The following PRPF40B variants were observed in gnomAD, a reference collection of about 807,000 sequenced individuals.
PRPF40B encodes pre-mRNA processing factor 40B.
Under a neutral mutation model 124.5 loss-of-function variants are expected in PRPF40B, and 56 were observed. The observed-to-expected ratio is 0.45, with a 90% CI of 0.36 to 0.56. The LOEUF (loss-of-function observed/expected upper bound fraction) is 0.56. PRPF40B is among the 20% of genes least tolerant of loss of function. The pLI, the probability that PRPF40B is intolerant of heterozygous loss-of-function variation, is 0.00. For synonymous variants in PRPF40B, 443 were observed against 426.4 expected (o/e 1.04, Z -0.48); for missense variants, 1,053 against 1,169.5 (o/e 0.90, Z 1.45).
At position 49,624,833 on chromosome 12, in the gene PRPF40B, G is replaced by A. The variant is rs1190429840; in HGVS notation, c.3+1240G>A. On this transcript the variant is annotated intron_variant, in intron 1 of 25. Transcript: ENST00000548825. Reference sequence around the variant, plus strand: ...GCACTCCAGTCTGGGCAACAAGAGCGAAGCTCTGTCTCAAAAAAAAAAAAA... The same window carrying A: ...GCACTCCAGTCTGGGCAACAAGAGCAAAGCTCTGTCTCAAAAAAAAAAAAA... 5.5e-5 allele frequency among the ~76,000 whole-genome samples: 8 copies of A among 144,866 alleles called. No homozygotes were observed. In the South Asian group the frequency reaches 8.8e-4, roughly 16 times the overall value.
At position 49,623,933 on chromosome 12, in the gene PRPF40B, A is replaced by G. The variant is rs570784163; in HGVS notation, c.3+340A>G. On this transcript the variant is annotated intron_variant, in intron 1 of 25. Coordinates refer to ENST00000548825, the MANE Select transcript of PRPF40B (RefSeq NM_001031698.3). Reference sequence around the variant, plus strand: ...CGGAGATGAGGGGACTGAGGGGACCAGGGGACAGGTGGGGACCAGTTTCCC... The same window carrying G: ...CGGAGATGAGGGGACTGAGGGGACCGGGGGACAGGTGGGGACCAGTTTCCC... 8.8e-6 allele frequency: 10 copies of G among 1,130,692 alleles called. No homozygotes were observed. In the East Asian group the frequency reaches 4.0e-4, roughly 45 times the overall value. 70.0% of individuals were successfully genotyped at this position (1,130,692 alleles called of 1,614,324 possible). A position where few individuals can be genotyped will look rare whatever the true frequency, so the allele number is the denominator to read the frequency against.
rs1941563553 is a variant in PRPF40B, at chr12:49,634,610, T to C, written c.1001+8T>C. 1 of 1,614,028 alleles carries C rather than the reference T, an allele frequency of 6.2e-7. No homozygotes were observed. The highest frequency in any genetic ancestry group is 2.2e-5 in the East Asian group (1 of 44,874). ...CACCGACCCCCGTTACAGGTAGGCCTGGGCAGAGGGAGCCAGGCCCTGTTC... is the reference window on the plus strand; with the variant it reads ...CACCGACCCCCGTTACAGGTAGGCCCGGGCAGAGGGAGCCAGGCCCTGTTC... On this transcript the variant is annotated splice_region_variant and intron_variant, in intron 12 of 25. Transcript: ENST00000548825.
intron 1 of PRPF40B, among the ~76,000 whole-genome samples, chr12:49,629,703 A>G (rs1941047368): frequency 6.6e-6 from 1 of 152,250 alleles, no homozygotes; most frequent in Non-Finnish European, 1.5e-5. Flanking sequence ...TGAGGAAACT[A>G]AAAAGGGGAT....
chr12:49,624,493 G>C (rs1853424865), intron 1 of PRPF40B, among the ~76,000 whole-genome samples: 2 of 152,196 alleles, frequency 1.3e-5, no homozygotes, highest in Admixed American at 1.3e-4. Flanking sequence ...ACTCCACAAT[G>C]ATGGAGACCA....
rs772513337 is a variant in PRPF40B, at chr12:49,644,081, T to C, written c.2587-19T>C. On this transcript the variant is annotated intron_variant, in intron 25 of 25. Coordinates refer to ENST00000548825, the MANE Select transcript of PRPF40B (RefSeq NM_001031698.3). ...CCCTTAGTGCAGGCTAAGGGTGAACTGTGCCTTTGCTCCAACAGACAGGCT... is the reference window on the plus strand; with the variant it reads ...CCCTTAGTGCAGGCTAAGGGTGAACCGTGCCTTTGCTCCAACAGACAGGCT... 5 of 1,614,210 alleles carry C rather than the reference T, an allele frequency of 3.1e-6. No homozygotes were observed. The South Asian group carries it at 3.3e-5, about 11-fold the overall frequency.
rs1941747129 is a variant in PRPF40B at position 49,635,916 on chromosome 12, A to G, written c.1349A>G (p.Asn450Ser). ...ATCCTGGATGGGATGAGTAGTGTCA[A>G]CTTCCAAACCACGTGGTCCCAGGCC... is the stretch of plus-strand genomic sequence containing the variant. ...KSILDGMSSV[N>S]FQTTWSQAQQ... The change falls in exon 15 of 26, where the codon AAC (asparagine) becomes AGC (serine). Residue 450 changes from asparagine to serine, a missense_variant. Asn to Ser is a conservative substitution (Grantham distance 46). Transcript: ENST00000548825. This position sits in a 1 kb window ranked among gnomAD's most constrained non-coding sequence, Gnocchi z 4.1. 2 of 1,614,080 alleles carry G rather than the reference A, an allele frequency of 1.2e-6. No homozygotes were observed. Among genetic ancestry groups the G allele is most frequent in the Non-Finnish European group, 8.5e-7 (1 of 1,179,980 alleles).
At chr12:49,632,381 C>A in intron 4 of PRPF40B, 1 of 609,016 alleles carries the variant, frequency 1.6e-6, no homozygotes, top group South Asian at 2.1e-5. Flanking sequence ...AATACTCTCA[C>A]TTGAGGAGAA....
chr12:49,633,747 G>C lies in PRPF40B; in HGVS notation c.605+86G>C, dbSNP rs1941472735. Reference sequence around the variant, plus strand: ...CTGTCGCCATGATCTCTACACTGTGGGAGGAAGAGCCAGCTCTGTCTCCTT... The same window carrying C: ...CTGTCGCCATGATCTCTACACTGTGCGAGGAAGAGCCAGCTCTGTCTCCTT... On this transcript the variant is annotated intron_variant, in intron 9 of 25. Coordinates refer to ENST00000548825, the MANE Select transcript of PRPF40B (RefSeq NM_001031698.3). 3.1e-5 allele frequency: 50 copies of C among 1,608,402 alleles called. No homozygotes were observed. In the South Asian group the frequency reaches 5.4e-4, roughly 17 times the overall value.
rs753922520 is a variant in PRPF40B at position 49,642,632 on chromosome 12, C to T, written c.2075C>T (p.Ser692Leu). The T allele has an allele frequency of 9.9e-6, 16 of 1,614,044 alleles. No homozygotes were observed. Among genetic ancestry groups the T allele is most frequent in the African/African-American group, 4.0e-5 (3 of 74,916 alleles). Reference protein sequence around the residue: ...DSAFEQITLESERIRLFREFL... With the variant: ...DSAFEQITLELERIRLFREFL... ...GCCTTTGAGCAGATCACCCTGGAGT[C>T]GGAGCGGATCCGGCTCTTCCGGGAG... The change falls in exon 21 of 26, where the codon TCG becomes TTG. Residue 692 changes from serine to leucine, a missense_variant. Physicochemically the swap from Ser to Leu is moderately radical, Grantham distance 145. Around this residue, in one of 2 missense-constraint regions of PRPF40B, gnomAD observed 895 missense variants for 1,052.2 expected, o/e 0.85. Coordinates refer to ENST00000548825, the MANE Select transcript of PRPF40B (RefSeq NM_001031698.3). The surrounding 1 kb of genome is among the most constrained non-coding windows in gnomAD (Gnocchi z 5.8).
Position 49,642,420 on chromosome 12 carries a change from C to T in PRPF40B, c.2022+48C>T, listed in dbSNP as rs375118021. ...AAGCACCCCTCAAGCCTGAGGGCAG[C>T]GGTGCTTCACCACTGAGGGCCCACC... On this transcript the variant is annotated intron_variant, in intron 20 of 25. Transcript: ENST00000548825. This position sits in a 1 kb window ranked among gnomAD's most constrained non-coding sequence, Gnocchi z 5.8. 19 of 1,599,220 alleles carry T rather than the reference C, an allele frequency of 1.2e-5. No individual in the cohort carries two copies. The Middle Eastern group carries it at 5.4e-4, about 45-fold the overall frequency.
chr12:49,634,795 C>A (rs115019421), intron 12 of PRPF40B, 193 bp downstream of exon 12: 15 of 658,668 alleles, frequency 2.3e-5, no homozygotes, highest in Non-Finnish European at 3.8e-5. Context: ...TGACACAACA[C>A]GTTCAATAAA....
upstream of PRPF40B, chr12:49,623,480 G>T: frequency 8.5e-7 from 1 of 1,175,362 alleles, no homozygotes; most frequent in South Asian, 4.0e-5. Context: ...CCCCGGCCAC[G>T]AAGGGGTGCG....
rs1372851058 is a variant in PRPF40B, at chr12:49,642,920, C to T, written c.2119-10C>T. On this transcript the variant is annotated splice_polypyrimidine_tract_variant and intron_variant, in intron 21 of 25. Coordinates refer to ENST00000548825, the MANE Select transcript of PRPF40B (RefSeq NM_001031698.3). The surrounding 1 kb of genome is among the most constrained non-coding windows in gnomAD (Gnocchi z 5.8). ...TGCTGTCCTCACCCTTCTTCCTCTG[C>T]CTCTAGCAGACTGAATGCCAGCACC... 3.1e-6 allele frequency: 5 copies of T among 1,611,146 alleles called. No homozygotes were observed. Among genetic ancestry groups the T allele is most frequent in the African/African-American group, 2.7e-5 (2 of 74,864 alleles).
intron 9 of PRPF40B, 22 bp from the exon 10 acceptor site, chr12:49,633,864 C>T (rs534995205): frequency 6.8e-6 from 11 of 1,613,360 alleles, no homozygotes; most frequent in South Asian, 5.5e-5. Context: ...TCCTGGACAC[C>T]GCCCTTCTGG....
Position 49,630,585 on chromosome 12 carries a change from C to A in PRPF40B, c.44C>A (p.Ala15Asp). 3 of 1,423,174 alleles carry A rather than the reference C, an allele frequency of 2.1e-6. No homozygotes were observed. Among genetic ancestry groups the A allele is most frequent in the Non-Finnish European group, 3.0e-6 (3 of 1,010,288 alleles). The allele number at this position is 1,423,174 out of a possible 1,614,324, so 88.2% of individuals were successfully genotyped here. ...DSGPRPPAAP[A>D]PFPPGPPMMP... ...GGTCCCCGGCCCCCAGCAGCGCCTGCCCCCTTCCCACCGGGGCCCCCCATG... is the reference window on the plus strand; with the variant it reads ...GGTCCCCGGCCCCCAGCAGCGCCTGACCCCTTCCCACCGGGGCCCCCCATG... Residue 15 changes from alanine (A) to aspartate (D), a missense_variant, in exon 2 of 26, where the codon GCC (alanine) becomes GAC (aspartate). Physicochemically the swap from Ala to Asp is moderately radical, Grantham distance 126. Transcript: ENST00000548825.
At chr12:49,630,451 CTCCTTTTT>C (rs1199249944) in intron 1 of PRPF40B, 86 bp from the exon 2 acceptor site, 1 of 711,022 alleles carries the variant, frequency 1.4e-6, no homozygotes, top group Non-Finnish European at 2.6e-6. Context: ...GAATTTTGTG[CTCCTTTTT>C]CATCCTCACC....
Position 49,635,860 on chromosome 12 carries a change from C to A in PRPF40B, c.1293C>A (p.Leu431=). 4 of 1,613,940 alleles carry A rather than the reference C, an allele frequency of 2.5e-6. No homozygotes were observed. Among genetic ancestry groups the A allele is most frequent in the Non-Finnish European group, 3.4e-6 (4 of 1,179,952 alleles). Residue 431 remains leucine, a synonymous_variant, in exon 15 of 26, where the codon CTC becomes CTA. Coordinates refer to ENST00000548825, the MANE Select transcript of PRPF40B (RefSeq NM_001031698.3). This position sits in a 1 kb window ranked among gnomAD's most constrained non-coding sequence, Gnocchi z 4.1. Reference sequence around the variant, plus strand: ...CTCCCTAGGAACAGGCCAAGCAGCTCCGGCGCCGCAATATCCAGGCCCTAA... The same window carrying A: ...CTCCCTAGGAACAGGCCAAGCAGCTACGGCGCCGCAATATCCAGGCCCTAA... ...AKKEKEQAKQ[L]RRRNIQALKS...
chr12:49,623,979 C>T, intron 1 of PRPF40B: 2 of 1,047,776 alleles, frequency 1.9e-6, no homozygotes, highest in South Asian at 4.6e-5. Flanking sequence ...ATTTGGTGTG[C>T]GACATGCCCT....
rs780092304 is a variant in PRPF40B at position 49,635,050 on chromosome 12, G to A, written c.1002-49G>A. On this transcript the variant is annotated intron_variant, in intron 12 of 25. Transcript: ENST00000548825. The surrounding 1 kb of genome is among the most constrained non-coding windows in gnomAD (Gnocchi z 4.1). ...CCCTCCAGTGTGGGCTGTGCAGAGT[G>A]GTTCGGGTGACTTCTCTATCCCCAC... 2 of 1,546,690 alleles carry A rather than the reference G, an allele frequency of 1.3e-6. No individual in the cohort carries two copies. The highest frequency in any genetic ancestry group is 2.4e-5 in the South Asian group (2 of 82,710).
Sources: allele counts gnomAD v4.1 joint callset (sites outside exome capture counted in the v4.1 genomes callset), GRCh38; gene constraint gnomAD v4.1.1; regional missense constraint gnomAD v4.1.1; non-coding constraint Gnocchi (gnomAD v3.1); transcripts MANE v1.5; gene names NCBI Gene and HGNC (gene_info 2026-07-23, HGNC 2026-07-21).